RERE: variants seen among roughly 807,000 people sequenced by gnomAD.
RERE encodes arginine-glutamic acid dipeptide repeats.
A neutral mutation model predicts 146.1 loss-of-function variants in RERE; 40 were observed. The ratio of observed to expected loss-of-function variants is 0.27; its 90% CI spans 0.21 to 0.36. The LOEUF (loss-of-function observed/expected upper bound fraction) is 0.36. Among genes scored for constraint, RERE ranks in the 10% least tolerant of loss-of-function variants. The pLI is 1.00. For synonymous variants in RERE, 1,003 were observed against 866.0 expected (o/e 1.16, Z -2.78); for missense variants, 1,933 against 2,138.7 (o/e 0.90, Z 1.90).
At chr1:8,396,005 C>T (rs1007180570) in intron 12 of RERE, among the ~76,000 whole-genome samples, 1 of 152,172 alleles carries the variant, frequency 6.6e-6, no homozygotes, top group East Asian at 1.9e-4. Flanking sequence ...ACAGCCATTC[C>T]ATTAACTACC....
intron 12 of RERE, among the ~76,000 whole-genome samples, chr1:8,404,369 G>C (rs1643376551): frequency 6.6e-6 from 1 of 151,862 alleles, no homozygotes; most frequent in African/African-American, 2.4e-5. Flanking sequence ...AGTGAGCCGA[G>C]ATCGCACCAC....
At chr1:8,631,523 G>C (rs1325382250) in intron 2 of RERE, among the ~76,000 whole-genome samples, 2 of 152,196 alleles carry the variant, frequency 1.3e-5, no homozygotes, top group Non-Finnish European at 2.9e-5. Flanking sequence ...TGTGGAACAA[G>C]AAAAAGCAAA....
chr1:8,388,080 A>G (rs1315870996), intron 12 of RERE, among the ~76,000 whole-genome samples: 1 of 152,202 alleles, frequency 6.6e-6, no homozygotes, highest in Non-Finnish European at 1.5e-5. Flanking sequence ...CAGGATGCAG[A>G]GCTGCCTCTC....
chr1:8,514,760 A>C (rs928107713), intron 7 of RERE, among the ~76,000 whole-genome samples: 3 of 152,020 alleles, frequency 2.0e-5, no homozygotes, highest in African/African-American at 7.2e-5. Context: ...AAAAGAAAGA[A>C]AAGACAAGAC....
At chr1:8,619,832 T>C (rs1168295979) in intron 3 of RERE, among the ~76,000 whole-genome samples, 7 of 152,234 alleles carry the variant, frequency 4.6e-5, no homozygotes, top group Non-Finnish European at 1.5e-5. Flanking sequence ...GTGAATGCCC[T>C]TCTTGTCAAT....
At chr1:8,685,980 A>AT (rs3044418) in intron 1 of RERE, among the ~76,000 whole-genome samples, 1,510 of 144,296 alleles carry the variant, frequency 0.01, 4 homozygotes, top group Middle Eastern at 0.018. Flanking sequence ...TCTTTAGGTA[A>AT]TTTTTTTTTT....
At chr1:8,378,307 G>C (rs1642331475) in intron 12 of RERE, among the ~76,000 whole-genome samples, 1 of 152,220 alleles carries the variant, frequency 6.6e-6, no homozygotes, top group Admixed American at 6.5e-5. Flanking sequence ...GCTTCTCTGT[G>C]CTCTTGTGTA....
chr1:8,634,837 G>A (rs1281092351), intron 2 of RERE, among the ~76,000 whole-genome samples: 1 of 152,172 alleles, frequency 6.6e-6, no homozygotes, highest in African/African-American at 2.4e-5. Flanking sequence ...CCAGGTTCAA[G>A]CCATTCTCCT....
chr1:8,482,572 C>G (rs1644849094), intron 10 of RERE, among the ~76,000 whole-genome samples: 1 of 145,962 alleles, frequency 6.9e-6, no homozygotes, highest in Non-Finnish European at 1.5e-5. Context: ...GTCCCAGCTA[C>G]TTGGGAGGCT....
At chr1:8,548,232 G>C (rs1196910496) in intron 6 of RERE, among the ~76,000 whole-genome samples, 1 of 152,202 alleles carries the variant, frequency 6.6e-6, no homozygotes, top group African/African-American at 2.4e-5. Context: ...ACCTAGAGCA[G>C]CAAGGTGGGA....
At chr1:8,436,330 T>TA (rs1280693210) in intron 11 of RERE, among the ~76,000 whole-genome samples, 1 of 151,804 alleles carries the variant, frequency 6.6e-6, no homozygotes, top group Non-Finnish European at 1.5e-5. Flanking sequence ...AATAAATAAA[T>TA]AAAAAATAAA....
At position 8,604,618 on chromosome 1, in the gene RERE, GAGGGAGGA is replaced by G. The variant is rs1364008849; in HGVS notation, c.522+9935_522+9942del. ...GAAGGAAGGGAGGGAGGGAGGGAGG[GAGGGAGGA>G]AGGAAGGAAGGAAGGAAGGAAGGAA... On this transcript the variant is annotated intron_variant, in intron 4 of 22. Transcript: ENST00000400908. Among the ~76,000 whole-genome samples, 567 of 66,030 alleles carry G rather than the reference GAGGGAGGA, an allele frequency of 8.6e-3. 2 individuals are homozygous for G. The highest frequency in any genetic ancestry group is 0.017 in the South Asian group (25 of 1,494). The allele number at this position is 66,030 out of a possible 152,430, so 43.3% of individuals were successfully genotyped here. A position where few individuals can be genotyped will look rare whatever the true frequency, so the allele number is the denominator to read the frequency against.
At chr1:8,675,738 T>TATAC (rs59265268) in intron 1 of RERE, among the ~76,000 whole-genome samples, 37,745 of 147,736 alleles carry the variant, frequency 0.26, 4,792 homozygotes, top group African/African-American at 0.27. Context: ...TACATACATA[T>TATAC]ATACATACAT....
intron 7 of RERE, among the ~76,000 whole-genome samples, chr1:8,518,986 A>G (rs894409222): frequency 6.6e-6 from 1 of 152,236 alleles, no homozygotes; most frequent in Admixed American, 6.5e-5. Flanking sequence ...ACTTCCTATT[A>G]GGATCTCCCA....
chr1:8,740,307 A>G lies in RERE; in HGVS notation c.-145+76853T>C, dbSNP rs552097719. Among the ~76,000 whole-genome samples, 27 of 152,206 alleles carry G rather than the reference A, an allele frequency of 1.8e-4. 1 individual carries two copies. Among genetic ancestry groups the G allele is most frequent in the Non-Finnish European group, 4.0e-4 (27 of 68,044 alleles). On this transcript the variant is annotated intron_variant, in intron 1 of 22. Transcript: ENST00000400908. ...GAATACTGTAAACAACTGTAACACA[A>G]TGGTACATCTGTCTAGGGCACTTAC...
chr1:8,504,300 C>A (rs572112771), intron 8 of RERE, among the ~76,000 whole-genome samples: 34 of 152,042 alleles, frequency 2.2e-4, no homozygotes, highest in Non-Finnish European at 3.8e-4. Context: ...TAGAGAAAAA[C>A]GATTAAGTGA....
At chr1:8,569,199 C>G (rs181386704) in intron 4 of RERE, among the ~76,000 whole-genome samples, 25 of 146,592 alleles carry the variant, frequency 1.7e-4, no homozygotes, top group Admixed American at 1.4e-3. Context: ...AAGAAATTGT[C>G]AAATTCCCCC....
At chr1:8,644,164 GC>G in intron 2 of RERE, among the ~76,000 whole-genome samples, 1 of 152,286 alleles carries the variant, frequency 6.6e-6, no homozygotes, top group East Asian at 1.9e-4. Context: ...AATAACTTTA[GC>G]CCCATCATGT....
intron 12 of RERE, among the ~76,000 whole-genome samples, chr1:8,408,891 A>G (rs1210231915): frequency 6.6e-6 from 1 of 152,140 alleles, no homozygotes; most frequent in Non-Finnish European, 1.5e-5. Flanking sequence ...AAGTGAATAC[A>G]ACGCCTGAGA....
Sources: gnomAD v4.1 joint callset for allele counts (sites outside exome capture counted in the v4.1 genomes callset) on GRCh38, gnomAD v4.1.1 for gene constraint, MANE v1.5 for transcripts, NCBI Gene and HGNC (gene_info 2026-07-23, HGNC 2026-07-21) for gene names.